The following ZDHHC23 variants were observed in gnomAD, a reference collection of about 807,000 sequenced individuals.
ZDHHC23 encodes zDHHC palmitoyltransferase 23.
Under a neutral mutation model 40.2 loss-of-function variants are expected in ZDHHC23, and 41 were observed. The observed-to-expected ratio is 1.02, with a 90% CI of 0.79 to 1.32. The LOEUF (loss-of-function observed/expected upper bound fraction) is 1.32, where lower values mean the gene tolerates loss of function less well. ZDHHC23 is among the 40% of genes most tolerant of loss of function. The pLI is 0.00. For synonymous variants in ZDHHC23, 204 were observed against 210.2 expected (o/e 0.97, Z 0.26); for missense variants, 471 against 541.5 (o/e 0.87, Z 1.29).
chr3:113,959,301 T>G lies in ZDHHC23; in HGVS notation c.*671T>G. 1 of 1,099,254 alleles carries G rather than the reference T, an allele frequency of 9.1e-7. No homozygotes were observed. Among genetic ancestry groups the G allele is most frequent in the Non-Finnish European group, 1.1e-6 (1 of 887,308 alleles). The allele number at this position is 1,099,254 out of a possible 1,614,324, so 68.1% of individuals were successfully genotyped here. On this transcript the variant is annotated 3_prime_UTR_variant, in exon 5 of 5. Transcript: ENST00000638807. ...CTCCTTCTTATTAGACATGAACTACTCAAACAGAGAAGATGACCAGATGGA... is the reference window on the plus strand; with the variant it reads ...CTCCTTCTTATTAGACATGAACTACGCAAACAGAGAAGATGACCAGATGGA...
At chr3:113,971,225 CTGT>C in the ZDHHC23 span, among the ~76,000 whole-genome samples, 36 of 152,120 alleles carry the variant, frequency 2.4e-4, 1 homozygote, top group Admixed American at 1.2e-3. Context: ...TCTCCAGCAC[CTGT>C]TGTTTCCTGA....
downstream of ZDHHC23, among the ~76,000 whole-genome samples, chr3:113,963,927 AAC>A (rs1939867978): frequency 7.6e-6 from 1 of 131,956 alleles, no homozygotes; most frequent in South Asian, 2.5e-4. Flanking sequence ...CATCTTGAAA[AAC>A]ACAGGTTTTT....
the ZDHHC23 span, among the ~76,000 whole-genome samples, chr3:113,975,039 C>T: frequency 1.3e-5 from 2 of 152,112 alleles, no homozygotes; most frequent in African/African-American, 4.8e-5. Flanking sequence ...AGCTGGGTCC[C>T]ATAAACTCCT....
intron 2 of ZDHHC23, among the ~76,000 whole-genome samples, chr3:113,952,050 T>A (rs1228218149): frequency 2.0e-5 from 3 of 151,996 alleles, no homozygotes; most frequent in East Asian, 3.9e-4. Context: ...AGTAGGAGAA[T>A]CGCTTGAACT....
In ZDHHC23 at chr3:113,958,980, T is replaced by A; in HGVS notation, c.*350T>A. 8.5e-7 allele frequency: 1 copy of A among 1,176,230 alleles called. No homozygotes were observed. Among genetic ancestry groups the A allele is most frequent in the Non-Finnish European group, 1.1e-6 (1 of 931,018 alleles). 72.9% of individuals were successfully genotyped at this position (1,176,230 alleles called of 1,614,324 possible). On this transcript the variant is annotated 3_prime_UTR_variant, in exon 5 of 5. Coordinates refer to ENST00000638807, the MANE Select transcript of ZDHHC23 (RefSeq NM_001320466.2). ...GGATTAGGATAGTTTCTAGTCCCTCTTTCGATTCTTAATAGCCATGTGACC... is the reference window on the plus strand; with the variant it reads ...GGATTAGGATAGTTTCTAGTCCCTCATTCGATTCTTAATAGCCATGTGACC...
the ZDHHC23 span, among the ~76,000 whole-genome samples, chr3:113,974,574 C>T: frequency 3.3e-5 from 5 of 152,182 alleles, no homozygotes; most frequent in Non-Finnish European, 5.9e-5. Context: ...CCCACCTTGG[C>T]CTCCCAAAGT....
the ZDHHC23 span, chr3:113,978,119 G>A: frequency 1.3e-6 from 2 of 1,555,960 alleles, no homozygotes; most frequent in African/African-American, 1.4e-5. Flanking sequence ...CACATTGTAG[G>A]AGCAGAATAT....
At chr3:113,947,966 G>C (rs1245752370), upstream of ZDHHC23, 1 of 148,344 alleles carries the variant, frequency 6.7e-6, no homozygotes, top group Non-Finnish European at 1.5e-5. Flanking sequence ...CGGTTGGGAC[G>C]GCGCGGGGAG....
At position 113,954,315 on chromosome 3, in the gene ZDHHC23, C is replaced by G; in HGVS notation, c.777C>G (p.Asp259Glu). The G allele has an allele frequency of 6.2e-7, 1 of 1,614,126 alleles. No homozygotes were observed. The highest frequency in any genetic ancestry group is 8.5e-7 in the Non-Finnish European group (1 of 1,179,956). ...PAGSPTKAKE[D>E]WCAKCQLVRP... ...GAAGCCCCACCAAAGCGAAGGAGGA[C>G]TGGTGTGCCAAGTGCCAGCTGGTGC... The change falls in exon 3 of 5, where the codon GAC (aspartate) becomes GAG (glutamate). Residue 259 changes from aspartate to glutamate, a missense_variant. Transcript: ENST00000638807.
At chr3:113,951,538 C>A (rs1938660950) in intron 2 of ZDHHC23, among the ~76,000 whole-genome samples, 1 of 152,232 alleles carries the variant, frequency 6.6e-6, no homozygotes, top group Non-Finnish European at 1.5e-5. Context: ...GCAGAGACTT[C>A]AGATGGCACT....
At chr3:113,954,844 ATACT>A (rs1180314288) in intron 3 of ZDHHC23, among the ~76,000 whole-genome samples, 5 of 152,138 alleles carry the variant, frequency 3.3e-5, no homozygotes, top group Admixed American at 6.5e-5. Context: ...CTTGCCATAC[ATACT>A]TAATCGTTTT....
the ZDHHC23 span, among the ~76,000 whole-genome samples, chr3:113,974,248 C>G: frequency 6.6e-6 from 1 of 151,276 alleles, no homozygotes; most frequent in Admixed American, 6.6e-5. Flanking sequence ...TACATATTGC[C>G]TTCTCATTAG....
the ZDHHC23 span, among the ~76,000 whole-genome samples, chr3:113,974,937 AT>A: frequency 2.0e-5 from 3 of 151,994 alleles, no homozygotes; most frequent in Non-Finnish European, 4.4e-5. Flanking sequence ...GTTATTAGGT[AT>A]TTTTTTATGC....
the ZDHHC23 span, among the ~76,000 whole-genome samples, chr3:113,976,023 C>T: frequency 6.6e-6 from 1 of 152,030 alleles, no homozygotes; most frequent in Non-Finnish European, 1.5e-5. Context: ...TTTGGGAGGC[C>T]GAGGTGGGCA....
chr3:113,976,806 G>C, the ZDHHC23 span, among the ~76,000 whole-genome samples: 2 of 152,118 alleles, frequency 1.3e-5, no homozygotes, highest in Admixed American at 1.3e-4. Context: ...AAGGTTATTT[G>C]TTCAGGGTCA....
chr3:113,966,990 T>C (rs1218551835), downstream of ZDHHC23, among the ~76,000 whole-genome samples: 3 of 152,016 alleles, frequency 2.0e-5, no homozygotes, highest in East Asian at 1.9e-4. Context: ...TCCCAGCTAC[T>C]TGGGAGGCTG....
chr3:113,979,362 C>T, the ZDHHC23 span, among the ~76,000 whole-genome samples: 4 of 152,196 alleles, frequency 2.6e-5, no homozygotes, highest in African/African-American at 9.7e-5. Flanking sequence ...GACAGCAACT[C>T]CACAACAAAC....
Position 113,959,138 on chromosome 3 carries a change from C to T in ZDHHC23, c.*508C>T, listed in dbSNP as rs1939504387. On this transcript the variant is annotated 3_prime_UTR_variant, in exon 5 of 5. Coordinates refer to ENST00000638807, the MANE Select transcript of ZDHHC23 (RefSeq NM_001320466.2). ...GGATGTGGAAAGCACTAAAAAACAACTCAAGAGCCATGGAAATACAAAGTA... is the reference window on the plus strand; with the variant it reads ...GGATGTGGAAAGCACTAAAAAACAATTCAAGAGCCATGGAAATACAAAGTA... 9.6e-7 allele frequency: 1 copy of T among 1,041,390 alleles called. No individual in the cohort carries two copies. The highest frequency in any genetic ancestry group is 2.9e-5 in the South Asian group (1 of 34,634). The allele number at this position is 1,041,390 out of a possible 1,614,324, so 64.5% of individuals were successfully genotyped here. A position where few individuals can be genotyped will look rare whatever the true frequency, so the allele number is the denominator to read the frequency against.
At chr3:113,948,526 G>T (rs1938337983) in intron 1 of ZDHHC23, 160 bp from the exon 2 acceptor site, 1 of 364,082 alleles carries the variant, frequency 2.7e-6, no homozygotes. Flanking sequence ...CATAGGAACG[G>T]CTGGTGCCCA....
Sources: gnomAD v4.1 joint callset for allele counts (sites outside exome capture counted in the v4.1 genomes callset) on GRCh38, gnomAD v4.1.1 for gene constraint, MANE v1.5 for transcripts, NCBI Gene and HGNC (gene_info 2026-07-23, HGNC 2026-07-21) for gene names.